BABAM2: variants seen among roughly 807,000 people sequenced by gnomAD.
The protein encoded by BABAM2 is BRISC and BRCA1-A complex member 2.
In BABAM2, 31 loss-of-function variants were observed where a neutral mutation model predicts 54.7. The ratio of observed to expected loss-of-function variants is 0.57; its 90% CI spans 0.43 to 0.77. The LOEUF is 0.77. Ranked by LOEUF, BABAM2 falls within the 30% of genes least tolerant of loss-of-function variation. The pLI, the probability that BABAM2 is intolerant of heterozygous loss-of-function variation, is 0.00. For missense variants in BABAM2, 364 were observed against 455.8 expected (o/e 0.80, Z 1.83); for synonymous variants, 167 against 162.9 (o/e 1.03, Z -0.19).
Position 28,072,409 on chromosome 2 carries a change from G to A in BABAM2, c.570+26610G>A, listed in dbSNP as rs1226800871. 5.6e-5 allele frequency among the ~76,000 whole-genome samples: 8 copies of A among 141,930 alleles called. No individual in the cohort carries two copies. In the East Asian group the frequency reaches 8.5e-4, roughly 15 times the overall value. 93.1% of individuals were successfully genotyped at this position (141,930 alleles called of 152,430 possible). ...CTGGATTCTTTTTTTTTTTTGAGGC[G>A]GAGTCTCGCTCTGTCACCCAGGCTG... On this transcript the variant is annotated intron_variant, in intron 6 of 11. Transcript: ENST00000379624.
At position 28,329,186 on chromosome 2, in the gene BABAM2, T is replaced by C. The variant is rs561802977; in HGVS notation, c.1089-9264T>C. The stretch of plus-strand genomic sequence containing the variant: ...TCCAGGCATTACCCCTGATAACTTA[T>C]GCTTCCTGAGCTAGAGGGCAGAGGG... On this transcript the variant is annotated intron_variant, in intron 11 of 11. Transcript: ENST00000379624. This position sits in a 1 kb window ranked among gnomAD's most constrained non-coding sequence, Gnocchi z 4.2. Among the ~76,000 whole-genome samples the C allele has an allele frequency of 6.6e-5, 10 of 152,352 alleles. No homozygotes were observed. The highest frequency in any genetic ancestry group is 2.4e-5 in the African/African-American group (1 of 41,580).
Position 28,124,075 on chromosome 2 carries a change from A to G in BABAM2, c.571-5196A>G, listed in dbSNP as rs572897348. Among the ~76,000 whole-genome samples the G allele has an allele frequency of 2.0e-5, 3 of 152,332 alleles. No homozygotes were observed. The South Asian group carries it at 6.2e-4, about 32-fold the overall frequency. On this transcript the variant is annotated intron_variant, in intron 6 of 11. Coordinates refer to ENST00000379624, the MANE Select transcript of BABAM2 (RefSeq NM_199191.3). ...TGGTTCTTTGCAGTGTGTTTTTGCAAGGTTATGTGATTTGTAATCATAGCC... is the reference window on the plus strand; with the variant it reads ...TGGTTCTTTGCAGTGTGTTTTTGCAGGGTTATGTGATTTGTAATCATAGCC...
At chr2:28,135,507 C>T (rs116734033) in intron 7 of BABAM2, among the ~76,000 whole-genome samples, 2,027 of 152,102 alleles carry the variant, frequency 0.013, 41 homozygotes, top group African/African-American at 0.046. Flanking sequence ...TGGATGACAC[C>T]CAGATCCCCA....
chr2:28,180,358 A>G (rs1396109979), intron 7 of BABAM2, among the ~76,000 whole-genome samples: 1 of 152,156 alleles, frequency 6.6e-6, no homozygotes, highest in African/African-American at 2.4e-5. Context: ...AAGAACATAC[A>G]TTGCAGAAAG....
intron 7 of BABAM2, among the ~76,000 whole-genome samples, chr2:28,202,678 A>C (rs940935299): frequency 1.3e-5 from 2 of 152,114 alleles, no homozygotes; most frequent in African/African-American, 2.4e-5. Flanking sequence ...GCATTATTTA[A>C]CTTGTCCATA....
intron 2 of BABAM2, among the ~76,000 whole-genome samples, chr2:27,902,334 G>A (rs545830579): frequency 1.7e-4 from 26 of 152,276 alleles, no homozygotes; most frequent in African/African-American, 6.0e-4. Context: ...TTTCATTTCG[G>A]TTAAATAAGT....
intron 6 of BABAM2, among the ~76,000 whole-genome samples, chr2:28,106,538 G>A (rs989522316): frequency 2.0e-5 from 3 of 152,148 alleles, no homozygotes; most frequent in Non-Finnish European, 4.4e-5. Context: ...CTCTCAATTT[G>A]GATTTGTCTG....
In BABAM2 at chr2:28,322,517, C is replaced by G. The variant is rs915303408; in HGVS notation, c.1089-15933C>G. The stretch of plus-strand genomic sequence containing the variant: ...TTCCAGCAGGGTGAGGATCACCCCC[C>G]AGAAGTGCTGCTGGGCCAAGCCCTG... On this transcript the variant is annotated intron_variant, in intron 11 of 11. Coordinates refer to ENST00000379624, the MANE Select transcript of BABAM2 (RefSeq NM_199191.3). The surrounding 1 kb of genome is among the most constrained non-coding windows in gnomAD (Gnocchi z 4.1). 1.3e-5 allele frequency among the ~76,000 whole-genome samples: 2 copies of G among 152,246 alleles called. No homozygotes were observed. Among genetic ancestry groups the G allele is most frequent in the East Asian group, 1.9e-4 (1 of 5,198 alleles).
At chr2:27,895,802 A>T (rs1665251533) in intron 2 of BABAM2, among the ~76,000 whole-genome samples, 1 of 152,190 alleles carries the variant, frequency 6.6e-6, no homozygotes, top group East Asian at 1.9e-4. Flanking sequence ...CCCGTTTATT[A>T]ATTTGAATTC....
At chr2:28,058,386 A>G (rs1344255762) in intron 6 of BABAM2, among the ~76,000 whole-genome samples, 42 of 152,090 alleles carry the variant, frequency 2.8e-4, no homozygotes, top group Non-Finnish European at 1.5e-5. Context: ...TTAGGAATAG[A>G]AATCAGCCAG....
intron 11 of BABAM2, among the ~76,000 whole-genome samples, chr2:28,333,268 G>A (rs887403571): frequency 5.9e-5 from 9 of 152,112 alleles, no homozygotes; most frequent in African/African-American, 1.9e-4. Context: ...CATGATCAAC[G>A]AGTAAGGAGT....
chr2:28,255,775 C>T lies in BABAM2; in HGVS notation c.934+10913C>T, dbSNP rs1049239003. On this transcript the variant is annotated intron_variant, in intron 10 of 11. Coordinates refer to ENST00000379624, the MANE Select transcript of BABAM2 (RefSeq NM_199191.3). ...CAGCCTCCCAGGCCCAAGTAATCCT[C>T]CCACCTCAGCCTCCAGAGTAGCTGG... 3.3e-5 allele frequency among the ~76,000 whole-genome samples: 5 copies of T among 152,302 alleles called. No homozygotes were observed. The East Asian group carries it at 7.7e-4, about 23-fold the overall frequency.
chr2:27,988,018 C>T lies in BABAM2; in HGVS notation c.231C>T (p.Tyr77=), dbSNP rs770769036. The change falls in exon 4 of 12, where the codon TAC becomes TAT. Residue 77 remains tyrosine, a synonymous_variant. Coordinates refer to ENST00000379624, the MANE Select transcript of BABAM2 (RefSeq NM_199191.3). ...GGGATATCATTTTCAATGCCCAATA[C>T]CCAGAACTGCCTCCCGATTTTATCT... ...LKWDIIFNAQ[Y]PELPPDFIFG... 3.7e-6 allele frequency: 6 copies of T among 1,613,378 alleles called. No homozygotes were observed. Among genetic ancestry groups the T allele is most frequent in the Non-Finnish European group, 5.1e-6 (6 of 1,179,444 alleles).
At chr2:28,248,210 T>TTTCTTTTTTTC (rs544532106) in intron 10 of BABAM2, among the ~76,000 whole-genome samples, 1 of 101,230 alleles carries the variant, frequency 9.9e-6, no homozygotes, top group Non-Finnish European at 2.0e-5. Context: ...TCTTTTTCTT[T>TTTCTTTTTTTC]TTTTTTTTTT....
At chr2:28,321,227 A>G (rs1039075000) in intron 11 of BABAM2, among the ~76,000 whole-genome samples, 5 of 152,214 alleles carry the variant, frequency 3.3e-5, no homozygotes, top group African/African-American at 1.2e-4. Context: ...CCTCATAACA[A>G]CTGGTCACTG....
At chr2:28,122,159 T>C (rs1669130566) in intron 6 of BABAM2, among the ~76,000 whole-genome samples, 1 of 151,894 alleles carries the variant, frequency 6.6e-6, no homozygotes, top group African/African-American at 2.4e-5. Flanking sequence ...GAGCTTGCAG[T>C]GAGCCGAGAT....
At chr2:27,978,846 T>C (rs988246548) in intron 3 of BABAM2, among the ~76,000 whole-genome samples, 1 of 152,072 alleles carries the variant, frequency 6.6e-6, no homozygotes, top group African/African-American at 2.4e-5. Context: ...TTTGTGTCCA[T>C]GTATACTCCA....
chr2:28,283,130 T>TA (rs1686518852), intron 10 of BABAM2, among the ~76,000 whole-genome samples: 1 of 152,136 alleles, frequency 6.6e-6, no homozygotes, highest in South Asian at 2.1e-4. Flanking sequence ...TAGTGGCAGT[T>TA]ACTGTGTTCC....
chr2:28,316,700 T>C (rs1289680290), intron 11 of BABAM2, among the ~76,000 whole-genome samples: 1 of 152,146 alleles, frequency 6.6e-6, no homozygotes, highest in Non-Finnish European at 1.5e-5. Flanking sequence ...TCCAGGAACA[T>C]TGCTCACAGC....
Sources: gnomAD v4.1 joint callset for allele counts (sites outside exome capture counted in the v4.1 genomes callset) on GRCh38, gnomAD v4.1.1 for gene constraint, Gnocchi (gnomAD v3.1) non-coding constraint, MANE v1.5 for transcripts, NCBI Gene and HGNC (gene_info 2026-07-23, HGNC 2026-07-21) for gene names.